SLC16A2: variants seen among roughly 807,000 people sequenced by gnomAD.
The protein encoded by SLC16A2 is monocarboxylate transporter 8.
Under a neutral mutation model 27.2 loss-of-function variants are expected in SLC16A2, and 3 were observed. The ratio of observed to expected loss-of-function variants is 0.11; its 90% CI spans 0.05 to 0.28. The LOEUF (loss-of-function observed/expected upper bound fraction) is 0.28. Among genes scored for constraint, SLC16A2 ranks in the 10% least tolerant of loss-of-function variants. The pLI, the probability that SLC16A2 is intolerant of heterozygous loss-of-function variation, is 1.00. For missense variants in SLC16A2, 295 were observed against 458.5 expected (o/e 0.64, Z 3.26); for synonymous variants, 202 against 187.8 (o/e 1.08, Z -0.62).
intron 1 of SLC16A2, among the ~76,000 whole-genome samples, chrX:74,482,780 C>G (rs1929646708): frequency 9.0e-6 from 1 of 110,820 alleles, no homozygotes; most frequent in South Asian, 3.9e-4. Context: ...TTGCTGCAGC[C>G]TTGACTTCCT....
chrX:74,485,216 C>CA (rs762055288), intron 1 of SLC16A2, among the ~76,000 whole-genome samples: 4,341 of 37,174 alleles, frequency 0.12, 159 homozygotes, highest in African/African-American at 0.2. Context: ...AATGCCATCT[C>CA]AAAAAAAAAA....
rs55975734 is a variant in SLC16A2 at position 74,489,970 on chromosome X, T to TACACACACACACACACAC, written c.431-30999_431-30982dup. On this transcript the variant is annotated intron_variant, in intron 1 of 5. Transcript: ENST00000587091. Reference sequence around the variant, plus strand: ...AAGTCTATTATAAAGGTCACACACATACACACACACACACACACACACACA... The same window carrying TACACACACACACACACAC: ...AAGTCTATTATAAAGGTCACACACATACACACACACACACACACACACACACACACACACACACACACA... Among the ~76,000 whole-genome samples the TACACACACACACACACAC allele has an allele frequency of 3.4e-4, 30 of 87,142 alleles. 1 individual carries two copies. Among genetic ancestry groups the TACACACACACACACACAC allele is most frequent in the Non-Finnish European group, 5.9e-4 (27 of 45,472 alleles). The allele number at this position is 87,142 out of a possible 115,157, so 75.7% of individuals were successfully genotyped here. A position where few individuals can be genotyped will look rare whatever the true frequency, so the allele number is the denominator to read the frequency against.
chrX:74,495,160 G>T (rs1337003514), intron 1 of SLC16A2, among the ~76,000 whole-genome samples: 1 of 112,013 alleles, frequency 8.9e-6, no homozygotes, highest in African/African-American at 3.2e-5. Flanking sequence ...GCTCCCCAAA[G>T]GAGTGCTGAC....
chrX:74,494,835 C>T (rs762157446), intron 1 of SLC16A2, among the ~76,000 whole-genome samples: 9 of 111,226 alleles, frequency 8.1e-5, no homozygotes, highest in Admixed American at 2.9e-4. Flanking sequence ...ATCAGGAGTC[C>T]AAACTCCTGT....
chrX:74,468,059 A>T (rs113729801), intron 1 of SLC16A2, among the ~76,000 whole-genome samples: 1,160 of 111,911 alleles, frequency 0.01, 11 homozygotes, highest in African/African-American at 0.034. Context: ...CAACTCAAAG[A>T]TCACCCTCTA....
intron 1 of SLC16A2, among the ~76,000 whole-genome samples, chrX:74,488,374 C>G (rs1019458503): frequency 9.0e-6 from 1 of 111,297 alleles, no homozygotes; most frequent in East Asian, 2.8e-4. Flanking sequence ...TATCCAAGGC[C>G]TTTTTAAAAG....
chrX:74,493,397 C>T (rs1305004670), intron 1 of SLC16A2, among the ~76,000 whole-genome samples: 5 of 112,142 alleles, frequency 4.5e-5, no homozygotes, highest in Admixed American at 2.8e-4. Flanking sequence ...CAGGCTTGGG[C>T]CCACACAGCC....
chrX:74,456,457 A>G (rs1929042570), intron 1 of SLC16A2, among the ~76,000 whole-genome samples: 1 of 111,540 alleles, frequency 9.0e-6, no homozygotes, highest in South Asian at 3.8e-4. Context: ...TGCTACAGAC[A>G]CACTTGAGCT....
At chrX:74,482,801 G>A (rs367863859) in intron 1 of SLC16A2, among the ~76,000 whole-genome samples, 5 of 110,427 alleles carry the variant, frequency 4.5e-5, no homozygotes, top group African/African-American at 1.6e-4. Context: ...GGGCTCAACT[G>A]ATTCTCCCAT....
chrX:74,453,232 G>A (rs753887407), intron 1 of SLC16A2, among the ~76,000 whole-genome samples: 9 of 110,135 alleles, frequency 8.2e-5, no homozygotes, highest in Non-Finnish European at 1.7e-4. Flanking sequence ...ACGGGGTGTC[G>A]CTATGTTGAC....
chrX:74,467,924 A>G (rs781407595), intron 1 of SLC16A2, among the ~76,000 whole-genome samples: 5 of 110,824 alleles, frequency 4.5e-5, no homozygotes, highest in Non-Finnish European at 7.6e-5. Flanking sequence ...TAAACCACCC[A>G]CACATACCTT....
chrX:74,517,933 A>C (rs1337133877), intron 1 of SLC16A2, among the ~76,000 whole-genome samples: 1 of 111,955 alleles, frequency 8.9e-6, no homozygotes, highest in Non-Finnish European at 1.9e-5. Context: ...CGCCTTTGAG[A>C]TTGTTCAAGT....
chrX:74,443,263 A>T (rs1269145407), intron 1 of SLC16A2, among the ~76,000 whole-genome samples: 1 of 111,098 alleles, frequency 9.0e-6, no homozygotes, highest in Non-Finnish European at 1.9e-5. Flanking sequence ...CAGACCTGTG[A>T]CTCTCAAGCC....
intron 1 of SLC16A2, among the ~76,000 whole-genome samples, chrX:74,433,394 G>T (rs1374717031): frequency 2.8e-5 from 3 of 107,888 alleles, no homozygotes; most frequent in African/African-American, 1.0e-4. Flanking sequence ...AAAAGTACCC[G>T]TGCAGATTTC....
chrX:74,524,527 C>T lies in SLC16A2; in HGVS notation c.744C>T (p.Phe248=). The T allele has an allele frequency of 8.3e-7, 1 of 1,211,488 alleles. No individual in the cohort carries two copies. Among genetic ancestry groups the T allele is most frequent in the South Asian group, 1.8e-5 (1 of 56,919 alleles). The change falls in exon 3 of 6, where the codon TTC becomes TTT. Residue 248 remains phenylalanine (F), a synonymous_variant. Coordinates refer to ENST00000587091, the MANE Select transcript of SLC16A2 (RefSeq NM_006517.5). ...GCATTTTCTCCATGTCCTTCCCCTT[C>T]CTCATCAGAATGCTGGGGGATAAGA... ...GSSIFSMSFP[F]LIRMLGDKIK... is the part of the protein sequence containing the mutation.
At chrX:74,469,585 T>G (rs1020339403) in intron 1 of SLC16A2, among the ~76,000 whole-genome samples, 6 of 111,475 alleles carry the variant, frequency 5.4e-5, no homozygotes, top group Non-Finnish European at 1.1e-4. Flanking sequence ...AGATATTAGG[T>G]ATCTTTTCAT....
chrX:74,459,260 C>G (rs1281473405), intron 1 of SLC16A2, among the ~76,000 whole-genome samples: 1 of 466 alleles, frequency 2.1e-3, no homozygotes, highest in Non-Finnish European at 6.4e-3. Flanking sequence ...CAAGTGTTCA[C>G]TGCCTCCTAT....
intron 1 of SLC16A2, among the ~76,000 whole-genome samples, chrX:74,429,441 C>T (rs1235279696): frequency 1.8e-5 from 2 of 108,567 alleles, no homozygotes; most frequent in African/African-American, 6.7e-5. Context: ...CACTGCACTC[C>T]AGCCTGGGTG....
chrX:74,473,186 C>T, intron 1 of SLC16A2: 1 of 714,418 alleles, frequency 1.4e-6, no homozygotes, highest in Non-Finnish European at 2.2e-6. Context: ...CTGCCAAAAT[C>T]ATTGTAGCTT....
Sources: allele counts gnomAD v4.1 joint callset (sites outside exome capture counted in the v4.1 genomes callset), GRCh38; gene constraint gnomAD v4.1.1; transcripts MANE v1.5; gene names NCBI Gene and HGNC (gene_info 2026-07-23, HGNC 2026-07-21).